Variants in LDLRAP1 observed in about 807,000 individuals in gnomAD.
LDLRAP1 encodes low density lipoprotein receptor adaptor protein 1.
A neutral mutation model predicts 37.8 loss-of-function variants in LDLRAP1; 30 were observed. That is an observed-to-expected ratio of 0.79 (90% CI 0.59 to 1.08). The LOEUF (loss-of-function observed/expected upper bound fraction) is 1.08, where lower values mean the gene tolerates loss of function less well. LDLRAP1 is among the 50% of genes least tolerant of loss of function. LDLRAP1 has a pLI of 0.00. For missense variants in LDLRAP1, 375 were observed against 401.6 expected (o/e 0.93, Z 0.57); for synonymous variants, 156 against 169.8 (o/e 0.92, Z 0.63).
At chr1:25,557,128 G>A (rs1470462258) in intron 3 of LDLRAP1, 25 bp from the exon 4 acceptor site, 1 of 1,579,620 alleles carries the variant, frequency 6.3e-7, no homozygotes, top group Non-Finnish European at 8.7e-7. Flanking sequence ...GCCAGGTCTG[G>A]TGATGCTTCC....
chr1:25,562,476 G>T (rs888332393), intron 4 of LDLRAP1, among the ~76,000 whole-genome samples, 168 bp from the exon 5 acceptor site: 3 of 152,236 alleles, frequency 2.0e-5, no homozygotes, highest in African/African-American at 4.8e-5. Flanking sequence ...CCTGGGAAGG[G>T]CCAGGACCCT....
chr1:25,577,642 G>A, the LDLRAP1 span, among the ~76,000 whole-genome samples: 1 of 152,236 alleles, frequency 6.6e-6, no homozygotes, highest in Non-Finnish European at 1.5e-5. Context: ...AGGGCTCCAA[G>A]CAGGTGTGAG....
chr1:25,582,561 G>C, the LDLRAP1 span, among the ~76,000 whole-genome samples: 16 of 149,956 alleles, frequency 1.1e-4, no homozygotes, highest in Admixed American at 8.6e-4. Flanking sequence ...CTCCAGCCTG[G>C]CGACAGAGCG....
chr1:25,577,620 A>T, the LDLRAP1 span, among the ~76,000 whole-genome samples: 2 of 152,200 alleles, frequency 1.3e-5, no homozygotes, highest in Non-Finnish European at 2.9e-5. Context: ...TTGAAGTTAG[A>T]CGAGGAGGGG....
intron 6 of LDLRAP1, 48 bp from the exon 7 acceptor site, chr1:25,563,613 A>G: frequency 1.2e-6 from 2 of 1,609,448 alleles, no homozygotes; most frequent in Non-Finnish European, 1.7e-6. Flanking sequence ...GGGGGCCAGG[A>G]AGGAAGAGGC....
chr1:25,582,673 ACTGT>A, the LDLRAP1 span, among the ~76,000 whole-genome samples: 31 of 152,126 alleles, frequency 2.0e-4, no homozygotes, highest in South Asian at 8.3e-4. Flanking sequence ...AGCCTTCCCC[ACTGT>A]CTATCTCCAG....
downstream of LDLRAP1, among the ~76,000 whole-genome samples, chr1:25,569,887 C>T (rs188106800): frequency 1.5e-3 from 224 of 152,280 alleles, no homozygotes; most frequent in African/African-American, 5.1e-3. Context: ...GCCCTTACCC[C>T]GCCATGTCCT....
the LDLRAP1 span, among the ~76,000 whole-genome samples, chr1:25,582,483 G>C: frequency 1.3e-5 from 2 of 151,868 alleles, no homozygotes; most frequent in Non-Finnish European, 2.9e-5. Context: ...TACTCAGGAG[G>C]CTGAGGCAGG....
chr1:25,573,193 C>T (rs2044628887), downstream of LDLRAP1, among the ~76,000 whole-genome samples: 1 of 152,174 alleles, frequency 6.6e-6, no homozygotes, highest in Admixed American at 6.5e-5. Flanking sequence ...TTGTGTCTTA[C>T]CAGCTCCCCT....
Position 25,543,660 on chromosome 1 carries a change from T to C in LDLRAP1, c.-39T>C. 1 of 1,198,768 alleles carries C rather than the reference T, an allele frequency of 8.3e-7. No homozygotes were observed. The highest frequency in any genetic ancestry group is 4.1e-5 in the South Asian group (1 of 24,174). 74.3% of individuals were successfully genotyped at this position (1,198,768 alleles called of 1,614,324 possible). A position where few individuals can be genotyped will look rare whatever the true frequency, so the allele number is the denominator to read the frequency against. Reference sequence around the variant, plus strand: ...GGGCGGAAAGTTTTTCCTGACGGAGTTTTGGCTGCGGCAGCGGCGGCGGCG... The same window carrying C: ...GGGCGGAAAGTTTTTCCTGACGGAGCTTTGGCTGCGGCAGCGGCGGCGGCG... On this transcript the variant is annotated 5_prime_UTR_variant, in exon 1 of 9. Transcript: ENST00000374338.
chr1:25,566,389 T>G (rs3924486), intron 8 of LDLRAP1, among the ~76,000 whole-genome samples: 83,725 of 151,970 alleles, frequency 0.55, 23,823 homozygotes, highest in African/African-American at 0.7. Flanking sequence ...TAAGGGAAGC[T>G]GCTATAATTT....
At chr1:25,576,648 C>T in the LDLRAP1 span, among the ~76,000 whole-genome samples, 2 of 152,230 alleles carry the variant, frequency 1.3e-5, no homozygotes, top group African/African-American at 4.8e-5. Flanking sequence ...TACTGAGGCT[C>T]AGAGAGATGA....
chr1:25,577,418 G>A, the LDLRAP1 span, among the ~76,000 whole-genome samples: 1 of 152,058 alleles, frequency 6.6e-6, no homozygotes, highest in Admixed American at 6.5e-5. Flanking sequence ...GTGGCCCTGT[G>A]GGCAGGTCCT....
In LDLRAP1 at chr1:25,563,757, G is replaced by T; in HGVS notation, c.713G>T (p.Arg238Leu). Residue 238 changes from arginine to leucine, a missense_variant, in exon 7 of 9, where the codon CGG becomes CTG. Transcript: ENST00000374338. ...ANTTNMDEVPRPQALSGSSVV... is the reference protein window; with the variant it reads ...ANTTNMDEVPLPQALSGSSVV... ...ACCACCAACATGGACGAGGTGCCGC[G>T]GCCACAAGCCTTGAGTGGCAGCAGT... 6.2e-7 allele frequency: 1 copy of T among 1,613,998 alleles called. No homozygotes were observed. The highest frequency in any genetic ancestry group is 8.5e-7 in the Non-Finnish European group (1 of 1,180,034).
chr1:25,575,752 C>T, the LDLRAP1 span, among the ~76,000 whole-genome samples: 1 of 152,186 alleles, frequency 6.6e-6, no homozygotes, highest in Admixed American at 6.5e-5. Flanking sequence ...TGTGCCCAGC[C>T]CTGGGCTAAG....
intron 4 of LDLRAP1, among the ~76,000 whole-genome samples, chr1:25,562,437 C>T (rs534243543): frequency 1.3e-5 from 2 of 152,212 alleles, no homozygotes; most frequent in African/African-American, 2.4e-5. Flanking sequence ...GAGGCTATGG[C>T]CTTATGACAC....
At chr1:25,551,584 T>C (rs949476865) in intron 1 of LDLRAP1, among the ~76,000 whole-genome samples, 9 of 152,252 alleles carry the variant, frequency 5.9e-5, no homozygotes, top group African/African-American at 2.2e-4. Flanking sequence ...TATTCTGAAC[T>C]TGAGAGCAGG....
In LDLRAP1 at chr1:25,554,060, C is replaced by G. The variant is rs760852972; in HGVS notation, c.227C>G (p.Ala76Gly). The stretch of plus-strand genomic sequence containing the variant: ...GCCGCCGCCATCAAGAGGATCGTGG[C>G]TACAGTGAGCACCCCAGTCAGGAAG... ...LSAAAIKRIV[A>G]TAKASGKKLQ... is the part of the protein sequence containing the mutation. The change falls in exon 2 of 9, where the codon GCT becomes GGT. Residue 76 changes from alanine to glycine, a missense_variant. Ala to Gly is a moderately conservative substitution (Grantham distance 60). Transcript: ENST00000374338. This position sits in a 1 kb window ranked among gnomAD's most constrained non-coding sequence, Gnocchi z 5.4. 6 of 1,613,872 alleles carry G rather than the reference C, an allele frequency of 3.7e-6. No individual in the cohort carries two copies. The highest frequency in any genetic ancestry group is 5.1e-6 in the Non-Finnish European group (6 of 1,180,032).
chr1:25,584,819 T>C, the LDLRAP1 span, among the ~76,000 whole-genome samples: 1 of 152,154 alleles, frequency 6.6e-6, no homozygotes, highest in Non-Finnish European at 1.5e-5. Flanking sequence ...CTGCAATTCT[T>C]TACCCTGGCT....
Sources: allele counts gnomAD v4.1 joint callset (sites outside exome capture counted in the v4.1 genomes callset), GRCh38; gene constraint gnomAD v4.1.1; non-coding constraint Gnocchi (gnomAD v3.1); transcripts MANE v1.5; gene names NCBI Gene and HGNC (gene_info 2026-07-23, HGNC 2026-07-21).